The following FRAS1 variants were observed in gnomAD, a reference collection of about 807,000 sequenced individuals.
FRAS1 encodes the protein extracellular matrix organizing protein FRAS1.
Under a neutral mutation model 435.2 loss-of-function variants are expected in FRAS1, and 290 were observed. That is an observed-to-expected ratio of 0.67 (90% CI 0.61 to 0.73). The LOEUF (loss-of-function observed/expected upper bound fraction) is 0.73. FRAS1 is among the 30% of genes least tolerant of loss of function. The pLI is 0.00. For missense variants in FRAS1, 4,860 were observed against 5,001.5 expected (o/e 0.97, Z 0.85); for synonymous variants, 1,800 against 1,851.0 (o/e 0.97, Z 0.71).
chr4:78,413,869 C>G (rs918482908), intron 32 of FRAS1, among the ~76,000 whole-genome samples: 1 of 152,140 alleles, frequency 6.6e-6, no homozygotes, highest in Admixed American at 6.5e-5. Context: ...GCAACTCCTC[C>G]GTGACCCTCT....
At chr4:78,499,655 T>C in intron 60 of FRAS1, 66 bp from the exon 61 acceptor site, 1 of 1,431,356 alleles carries the variant, frequency 7.0e-7, no homozygotes, top group South Asian at 1.3e-5. Context: ...TAAGGTGTTT[T>C]CCTGGGAGTC....
chr4:78,504,114 C>T (rs1379005209), intron 61 of FRAS1, among the ~76,000 whole-genome samples: 3 of 152,134 alleles, frequency 2.0e-5, no homozygotes, highest in African/African-American at 7.2e-5. Flanking sequence ...TTTCCATTTG[C>T]TGAGGAGTAC....
intron 2 of FRAS1, among the ~76,000 whole-genome samples, chr4:78,099,269 A>C (rs1741984445): frequency 6.6e-6 from 1 of 152,112 alleles, no homozygotes; most frequent in Non-Finnish European, 1.5e-5. Flanking sequence ...CTTGAAGTGG[A>C]TGAGAGAACT....
chr4:78,438,792 C>T, intron 39 of FRAS1, 74 bp downstream of exon 39: 1 of 1,501,620 alleles, frequency 6.7e-7, no homozygotes, highest in East Asian at 2.3e-5. Context: ...CTGGTTGTAG[C>T]TCTGTTGAAA....
At chr4:78,154,331 G>T (rs1720793077) in intron 2 of FRAS1, among the ~76,000 whole-genome samples, 1 of 152,162 alleles carries the variant, frequency 6.6e-6, no homozygotes, top group Non-Finnish European at 1.5e-5. Flanking sequence ...TATTGCCTCT[G>T]TGTAGAAAAT....
intron 2 of FRAS1, among the ~76,000 whole-genome samples, chr4:78,169,560 A>G (rs1721467242): frequency 6.6e-6 from 1 of 152,124 alleles, no homozygotes; most frequent in Admixed American, 6.5e-5. Context: ...AACGTATAGC[A>G]CATAGTAGGT....
In FRAS1 at chr4:78,489,020, G is replaced by C; in HGVS notation, c.8898G>C (p.Glu2966Asp). The C allele has an allele frequency of 1.2e-6, 2 of 1,613,654 alleles. No individual in the cohort carries two copies. The highest frequency in any genetic ancestry group is 1.7e-6 in the Non-Finnish European group (2 of 1,179,714). Residue 2966 changes from glutamate to aspartate, a missense_variant, in exon 59 of 74, where the codon GAG (glutamate) becomes GAC (aspartate). By Grantham distance (45) the Glu-to-Asp change is conservative. Coordinates refer to ENST00000512123, the MANE Select transcript of FRAS1 (RefSeq NM_025074.7). ...YTQSHSAQVM[E>D]DFEERQNADS... Reference sequence around the variant, plus strand: ...AGAGCCATTCCGCTCAGGTCATGGAGGACTTTGAGGAGAGACAAAATGCAG... The same window carrying C: ...AGAGCCATTCCGCTCAGGTCATGGACGACTTTGAGGAGAGACAAAATGCAG...
intron 18 of FRAS1, among the ~76,000 whole-genome samples, chr4:78,321,838 C>CA (rs35661816): frequency 0.37 from 39,638 of 106,086 alleles, 6,286 homozygotes; most frequent in Admixed American, 0.43. Flanking sequence ...AAAACTTCGT[C>CA]AAAAAAAAAA....
At chr4:78,146,686 C>T (rs1163139765) in intron 2 of FRAS1, among the ~76,000 whole-genome samples, 1 of 151,998 alleles carries the variant, frequency 6.6e-6, no homozygotes, top group Non-Finnish European at 1.5e-5. Flanking sequence ...CTTATCATTT[C>T]CTCTAAAAAT....
rs542117343 is a variant in FRAS1 at position 78,344,413 on chromosome 4, G to A, written c.2422+6596G>A. On this transcript the variant is annotated intron_variant, in intron 20 of 73. Transcript: ENST00000512123. ...AACTGTCTAACAGAGGTTAAGTACC[G>A]ACTCCAAATGATAAAAGTCAGGAAT... is the stretch of plus-strand genomic sequence containing the variant. Among the ~76,000 whole-genome samples the A allele has an allele frequency of 3.4e-5, 5 of 145,542 alleles. No homozygotes were observed. In the East Asian group the frequency reaches 5.9e-4, roughly 17 times the overall value.
chr4:78,220,221 C>G (rs187169886), intron 2 of FRAS1, among the ~76,000 whole-genome samples: 39 of 152,290 alleles, frequency 2.6e-4, no homozygotes, highest in African/African-American at 9.1e-4. Context: ...GTAGATTAGA[C>G]GTTCATGGAC....
At chr4:78,518,358 TAGTA>T (rs1485075784) in intron 66 of FRAS1, among the ~76,000 whole-genome samples, 7 of 149,652 alleles carry the variant, frequency 4.7e-5, no homozygotes, top group Non-Finnish European at 8.9e-5. Context: ...ATAAGTCCCA[TAGTA>T]TATTATAGTA....
chr4:78,066,640 ACTGT>A (rs1366146531), intron 2 of FRAS1, among the ~76,000 whole-genome samples: 1 of 152,152 alleles, frequency 6.6e-6, no homozygotes, highest in Non-Finnish European at 1.5e-5. Flanking sequence ...TATTGAAAAG[ACTGT>A]CTACACTCCA....
intron 15 of FRAS1, among the ~76,000 whole-genome samples, chr4:78,311,989 C>T (rs1335443702): frequency 6.6e-6 from 1 of 151,876 alleles, no homozygotes; most frequent in Admixed American, 6.6e-5. Context: ...CAAATTTTCT[C>T]ACTCTGTTGT....
chr4:78,374,238 G>T lies in FRAS1; in HGVS notation c.3138G>T (p.Lys1046Asn). 1 of 1,588,718 alleles carries T rather than the reference G, an allele frequency of 6.3e-7. No homozygotes were observed. Among genetic ancestry groups the T allele is most frequent in the Non-Finnish European group, 8.6e-7 (1 of 1,163,386 alleles). The stretch of plus-strand genomic sequence containing the variant: ...AGGGGTACTTTGCAGATCATGCAAA[G>T]CACAAATGCACAGGTAACTTGGAGA... Reference protein sequence around the residue: ...CGKGYFADHAKHKCTACPQGC... With the variant: ...CGKGYFADHANHKCTACPQGC... Residue 1046 changes from lysine (K) to asparagine (N), a missense_variant, in exon 25 of 74, where the codon AAG (lysine) becomes AAT (asparagine). Coordinates refer to ENST00000512123, the MANE Select transcript of FRAS1 (RefSeq NM_025074.7).
At chr4:78,307,579 C>G (rs1013970284) in intron 14 of FRAS1, among the ~76,000 whole-genome samples, 1 of 152,214 alleles carries the variant, frequency 6.6e-6, no homozygotes, top group African/African-American at 2.4e-5. Flanking sequence ...TTAAGCCCGT[C>G]GGAAAAGCGC....
At chr4:78,211,208 G>A (rs898410025) in intron 2 of FRAS1, among the ~76,000 whole-genome samples, 3 of 152,188 alleles carry the variant, frequency 2.0e-5, no homozygotes, top group Non-Finnish European at 2.9e-5. Flanking sequence ...AAACTTCTGG[G>A]TGTTGATAAG....
intron 68 of FRAS1, 102 bp from the exon 69 acceptor site, chr4:78,522,547 A>G (rs1721418014): frequency 3.0e-6 from 3 of 1,004,856 alleles, no homozygotes; most frequent in African/African-American, 3.3e-5. Flanking sequence ...TGAGAGAAGA[A>G]CATTAATTCA....
chr4:78,461,960 C>T (rs1473581974), intron 47 of FRAS1, among the ~76,000 whole-genome samples: 2 of 151,834 alleles, frequency 1.3e-5, no homozygotes, highest in African/African-American at 2.4e-5. Context: ...GGGTAGGCGA[C>T]GGGAAAGGGA....
Sources: allele counts gnomAD v4.1 joint callset (sites outside exome capture counted in the v4.1 genomes callset), GRCh38; gene constraint gnomAD v4.1.1; transcripts MANE v1.5; gene names NCBI Gene and HGNC (gene_info 2026-07-23, HGNC 2026-07-21).